INTS7: variants seen among roughly 807,000 people sequenced by gnomAD.
INTS7 encodes the protein chromosome 1 open reading frame 73.
INTS7 carries 46 observed loss-of-function variants against 109.2 expected under a neutral mutation model. That is an observed-to-expected ratio of 0.42 (90% CI 0.33 to 0.54). INTS7 has a LOEUF of 0.54. Among genes scored for constraint, INTS7 ranks in the 20% least tolerant of loss-of-function variants. INTS7 has a pLI of 0.07. For synonymous variants in INTS7, 412 were observed against 402.9 expected, an observed-to-expected ratio of 1.02 and a Z score of -0.27; for missense variants, 929 against 1,132.4, an observed-to-expected ratio of 0.82 and a Z score of 2.58.
intron 3 of INTS7, among the ~76,000 whole-genome samples, chr1:212,017,349 T>C (rs955884959): frequency 2.0e-5 from 3 of 152,234 alleles, no homozygotes; most frequent in Non-Finnish European, 4.4e-5. Context: ...CAATGTTGCA[T>C]AAAGAAGTCC....
intron 13 of INTS7, among the ~76,000 whole-genome samples, chr1:211,970,131 GA>G (rs1664105802): frequency 6.6e-6 from 1 of 152,098 alleles, no homozygotes; most frequent in Admixed American, 6.5e-5. Flanking sequence ...AGACACTTCA[GA>G]AAGCACAGAG....
intron 7 of INTS7, among the ~76,000 whole-genome samples, chr1:211,988,744 G>A (rs1175273150): frequency 6.6e-6 from 1 of 152,224 alleles, no homozygotes; most frequent in South Asian, 2.1e-4. Context: ...TTTTGCTTAG[G>A]AGAGATATGA....
chr1:211,944,931 G>A lies in INTS7; in HGVS notation c.2454C>T (p.Pro818=). 6.2e-7 allele frequency: 1 copy of A among 1,614,148 alleles called. No homozygotes were observed. The highest frequency in any genetic ancestry group is 8.5e-7 in the Non-Finnish European group (1 of 1,180,010). The change falls in exon 19 of 20, where the codon CCC becomes CCT. Residue 818 remains proline (P), a synonymous_variant. Transcript: ENST00000366994. The part of the protein sequence containing the change: ...LSPSPRNPAE[P]IAVQNNQQLA... Reference sequence around the variant, plus strand: ...GCTGCTGGTTATTCTGGACAGCAATGGGCTCTGCAGGATTCCGGGGCGATG... The same window carrying A: ...GCTGCTGGTTATTCTGGACAGCAATAGGCTCTGCAGGATTCCGGGGCGATG...
intron 4 of INTS7, among the ~76,000 whole-genome samples, chr1:212,014,576 C>G (rs764018007): frequency 6.7e-6 from 1 of 149,898 alleles, no homozygotes; most frequent in East Asian, 2.0e-4. Flanking sequence ...CCTCTCCCCA[C>G]GGTCTCCCTC....
In INTS7 at chr1:211,968,696, T is replaced by G; in HGVS notation, c.1827A>C (p.Thr609=). Residue 609 remains threonine (T), a synonymous_variant, in exon 14 of 20, where the codon ACA becomes ACC. Coordinates refer to ENST00000366994, the MANE Select transcript of INTS7 (RefSeq NM_015434.4). The stretch of plus-strand genomic sequence containing the variant: ...ACTGAAAGCTTAAAGGATTCAGTGG[T>G]GTACTAGCTGCCTGGGAAAAAAAAA... ...KGIASLTAAS[T]PLNPLSFQCE... 6.3e-7 allele frequency: 1 copy of G among 1,586,618 alleles called. No homozygotes were observed. The highest frequency in any genetic ancestry group is 1.1e-5 in the South Asian group (1 of 87,214).
At chr1:211,998,180 C>T (rs1665496644) in intron 7 of INTS7, among the ~76,000 whole-genome samples, 1 of 152,126 alleles carries the variant, frequency 6.6e-6, no homozygotes, top group South Asian at 2.1e-4. Context: ...GCCAAGGCTA[C>T]TCCTAAACTC....
At chr1:211,968,835 C>A in intron 13 of INTS7, 128 bp from the exon 14 acceptor site, 1 of 581,230 alleles carries the variant, frequency 1.7e-6, no homozygotes, top group African/African-American at 1.9e-5. Flanking sequence ...GGATAAAGAC[C>A]TAAATGATAA....
At chr1:211,970,357 A>G (rs530893427) in intron 13 of INTS7, among the ~76,000 whole-genome samples, 1 of 152,330 alleles carries the variant, frequency 6.6e-6, no homozygotes, top group South Asian at 2.1e-4. Flanking sequence ...GGCACATACT[A>G]AAAATGTGCT....
At chr1:211,996,589 T>C (rs753505838) in intron 7 of INTS7, among the ~76,000 whole-genome samples, 2 of 151,998 alleles carry the variant, frequency 1.3e-5, no homozygotes, top group Non-Finnish European at 1.5e-5. Context: ...GCAGAAAACA[T>C]TAAACTAATG....
At chr1:211,952,784 TTTTCA>T in intron 16 of INTS7, 83 bp from the exon 17 acceptor site, 2 of 1,188,714 alleles carry the variant, frequency 1.7e-6, no homozygotes, top group Non-Finnish European at 2.4e-6. Context: ...TTTCAACATA[TTTTCA>T]TTTAATTTTT....
At chr1:211,996,592 A>C (rs577142889) in intron 7 of INTS7, among the ~76,000 whole-genome samples, 40 of 152,328 alleles carry the variant, frequency 2.6e-4, no homozygotes, top group African/African-American at 9.1e-4. Context: ...GAAAACATTA[A>C]ACTAATGCCA....
At chr1:211,974,324 A>G (rs1176211433) in intron 13 of INTS7, among the ~76,000 whole-genome samples, 2 of 142,290 alleles carry the variant, frequency 1.4e-5, no homozygotes, top group Non-Finnish European at 3.1e-5. Context: ...ACTTCAAAAT[A>G]TATGTGCCTC....
intron 4 of INTS7, 65 bp from the exon 5 acceptor site, chr1:212,011,486 A>C: frequency 9.7e-7 from 1 of 1,026,740 alleles, no homozygotes; most frequent in Admixed American, 2.2e-5. Flanking sequence ...AAGGACTTAA[A>C]AGAAATAAAA....
chr1:211,952,442 C>T, intron 17 of INTS7, 127 bp downstream of exon 17: 1 of 900,902 alleles, frequency 1.1e-6, no homozygotes, highest in Non-Finnish European at 1.7e-6. Context: ...TAGGTATTAA[C>T]CCTGTTTTAT....
chr1:211,996,814 C>A (rs1012252288), intron 7 of INTS7, among the ~76,000 whole-genome samples: 2 of 152,038 alleles, frequency 1.3e-5, no homozygotes, highest in Non-Finnish European at 2.9e-5. Flanking sequence ...TGCTTGAGCC[C>A]AGGAGTTTGA....
At chr1:211,969,012 C>T (rs771162991) in intron 13 of INTS7, among the ~76,000 whole-genome samples, 2 of 152,216 alleles carry the variant, frequency 1.3e-5, no homozygotes, top group East Asian at 1.9e-4. Context: ...CGGCCAGGTG[C>T]GGTGGCTCAC....
chr1:212,025,294 G>A lies in INTS7; in HGVS notation c.95-4082C>T, dbSNP rs151209163. On this transcript the variant is annotated intron_variant, in intron 1 of 19. Transcript: ENST00000366994. ...CATTATGGAAGAGGCAAAACTATAG[G>A]GATAAAAAACAGATTGGTGGTAGCC... Among the ~76,000 whole-genome samples the A allele has an allele frequency of 1.5e-4, 23 of 152,136 alleles. No homozygotes were observed. The East Asian group carries it at 4.4e-3, about 29-fold the overall frequency.
At chr1:211,967,647 A>G (rs1313250138) in intron 15 of INTS7, among the ~76,000 whole-genome samples, 1 of 152,126 alleles carries the variant, frequency 6.6e-6, no homozygotes, top group African/African-American at 2.4e-5. Flanking sequence ...GTTGCTTTGG[A>G]TGCTCTTTCT....
intron 17 of INTS7, among the ~76,000 whole-genome samples, chr1:211,951,927 TA>T (rs373954148): frequency 6.6e-6 from 1 of 151,482 alleles, no homozygotes; most frequent in Non-Finnish European, 1.5e-5. Flanking sequence ...GGGGAGAAGA[TA>T]AAAAAAAGGG....
Sources: allele counts gnomAD v4.1 joint callset (sites outside exome capture counted in the v4.1 genomes callset), GRCh38; gene constraint gnomAD v4.1.1; transcripts MANE v1.5; gene names NCBI Gene and HGNC (gene_info 2026-07-23, HGNC 2026-07-21).